FBXO38: variants seen among roughly 807,000 people sequenced by gnomAD.
FBXO38 encodes the protein F-box protein 38, also known as F-box only protein 38.
In FBXO38, 53 loss-of-function variants were observed where a neutral mutation model predicts 131.9. The observed-to-expected ratio is 0.40, with a 90% confidence interval of 0.32 to 0.51. The LOEUF is 0.51. FBXO38 is among the 20% of genes least tolerant of loss of function. The pLI is 0.53. For synonymous variants in FBXO38, 452 were observed against 505.6 expected (o/e 0.89, Z 1.42); for missense variants, 1,076 against 1,475.6 (o/e 0.73, Z 4.44).
At position 148,401,871 on chromosome 5, in the gene FBXO38, G is replaced by A. The variant is rs984753631; in HGVS notation, c.263-111G>A. 24 of 993,160 alleles carry A rather than the reference G, an allele frequency of 2.4e-5. No homozygotes were observed. The South Asian group carries it at 3.2e-4, about 13-fold the overall frequency. The allele number at this position is 993,160 out of a possible 1,614,324, so 61.5% of individuals were successfully genotyped here. On this transcript the variant is annotated intron_variant, in intron 3 of 21. Transcript: ENST00000340253. Reference sequence around the variant, plus strand: ...TATTCAGCTTTAGTGTTAGCTTTACGGAAATTTGAAGAGGAAGTCTTTTTT... The same window carrying A: ...TATTCAGCTTTAGTGTTAGCTTTACAGAAATTTGAAGAGGAAGTCTTTTTT...
intron 2 of FBXO38, among the ~76,000 whole-genome samples, chr5:148,395,801 A>G (rs1434212957): frequency 5.9e-5 from 9 of 151,840 alleles, no homozygotes; most frequent in South Asian, 2.1e-4. Context: ...TTACTATTCT[A>G]TGGAATGTAT....
intron 1 of FBXO38, among the ~76,000 whole-genome samples, chr5:148,389,345 G>T (rs567613419): frequency 2.0e-5 from 3 of 152,316 alleles, no homozygotes; most frequent in African/African-American, 4.8e-5. Context: ...CTTGCCTGAC[G>T]CAGTGTTGCC....
chr5:148,416,620 A>G lies in FBXO38; in HGVS notation c.1408-374A>G, dbSNP rs530014534. ...TAAAAACTTAATCCTTCAACCATTT[A>G]TGTTCTCTCTTGTCAGTTATTAATG... On this transcript the variant is annotated intron_variant, in intron 11 of 21. Transcript: ENST00000340253. The G allele has an allele frequency of 3.0e-5, 6 of 199,278 alleles. No individual in the cohort carries two copies. The South Asian group carries it at 6.4e-4, about 21-fold the overall frequency. 12.3% of individuals were successfully genotyped at this position (199,278 alleles called of 1,614,324 possible). A position where few individuals can be genotyped will look rare whatever the true frequency, so the allele number is the denominator to read the frequency against.
intron 10 of FBXO38, among the ~76,000 whole-genome samples, 188 bp from the exon 11 acceptor site, chr5:148,415,740 A>T (rs998852984): frequency 6.6e-6 from 1 of 152,192 alleles, no homozygotes; most frequent in Non-Finnish European, 1.5e-5. Flanking sequence ...CAGGCCATTT[A>T]GTTCTCACAA....
chr5:148,395,710 C>T (rs1172437228), intron 2 of FBXO38, among the ~76,000 whole-genome samples: 1 of 151,988 alleles, frequency 6.6e-6, no homozygotes, highest in Non-Finnish European at 1.5e-5. Context: ...CAAACTGAAG[C>T]ATAAATGCTT....
intron 8 of FBXO38, among the ~76,000 whole-genome samples, chr5:148,409,711 A>G (rs887778386): frequency 2.6e-5 from 4 of 152,208 alleles, no homozygotes; most frequent in Non-Finnish European, 5.9e-5. Context: ...CACATTTACT[A>G]TTTCTTACAT....
intron 21 of FBXO38, 83 bp downstream of exon 21, chr5:148,441,320 A>G: frequency 1.0e-6 from 1 of 980,948 alleles, no homozygotes. Flanking sequence ...TTTGTGAGTT[A>G]GGAGCAGTGC....
chr5:148,385,575 G>A (rs1469101394), intron 1 of FBXO38, among the ~76,000 whole-genome samples: 2 of 152,162 alleles, frequency 1.3e-5, no homozygotes, highest in East Asian at 3.9e-4. Context: ...GGGTTGAGCT[G>A]GATGATTCCT....
intron 1 of FBXO38, among the ~76,000 whole-genome samples, chr5:148,388,184 C>G (rs1225678612): frequency 6.6e-6 from 1 of 152,146 alleles, no homozygotes; most frequent in African/African-American, 2.4e-5. Context: ...CTTTTCTGAG[C>G]AGTAGATCTT....
At chr5:148,384,498 G>A (rs1046011114) in intron 1 of FBXO38, among the ~76,000 whole-genome samples, 2 of 152,140 alleles carry the variant, frequency 1.3e-5, no homozygotes, top group African/African-American at 2.4e-5. Flanking sequence ...TGGCTGCCAC[G>A]CCTGAGTATC....
intron 1 of FBXO38, among the ~76,000 whole-genome samples, chr5:148,392,619 G>GTA (rs1491020330): frequency 7.0e-6 from 1 of 143,358 alleles, no homozygotes; most frequent in East Asian, 2.0e-4. Context: ...GTGTGTGTGT[G>GTA]TATTTGTAAT....
At chr5:148,424,601 G>A (rs944117574) in intron 13 of FBXO38, among the ~76,000 whole-genome samples, 4 of 152,154 alleles carry the variant, frequency 2.6e-5, no homozygotes, top group East Asian at 1.9e-4. Context: ...CTTTCATTTT[G>A]TAGATGGGGA....
rs762626136 is a variant in FBXO38, at chr5:148,406,434, CAACTT to C, written c.868+43_868+47del. 2.7e-6 allele frequency: 4 copies of C among 1,460,754 alleles called. No homozygotes were observed. The South Asian group carries it at 5.5e-5, about 20-fold the overall frequency. The allele number at this position is 1,460,754 out of a possible 1,614,324, so 90.5% of individuals were successfully genotyped here. On this transcript the variant is annotated intron_variant, in intron 7 of 21. Transcript: ENST00000340253. ...TAATTACTAAATATTTTTTAAAAAT[CAACTT>C]AAAATAATCATTAAGCTTTTATTTA...
Position 148,427,681 on chromosome 5 carries a change from G to C in FBXO38, c.2387G>C (p.Arg796Pro). ...ACTAGCAGGTGTTCTGATGAGGAAC[G>C]TCCTTCAACCAGCCGAGCCTGTGTT... ...RRTSRCSDEE[R>P]PSTSRACVVN... Residue 796 changes from arginine to proline, a missense_variant, in exon 15 of 22, where the codon CGT (arginine) becomes CCT (proline). By Grantham distance (103) the Arg-to-Pro change is moderately radical. Transcript: ENST00000340253. The C allele has an allele frequency of 6.2e-7, 1 of 1,614,196 alleles. No individual in the cohort carries two copies.
chr5:148,402,883 GTA>G (rs981624174), intron 5 of FBXO38, among the ~76,000 whole-genome samples: 3 of 151,868 alleles, frequency 2.0e-5, no homozygotes, highest in African/African-American at 7.3e-5. Flanking sequence ...ACTTTATTCT[GTA>G]TATATACACA....
chr5:148,416,783 C>T (rs570938030), intron 11 of FBXO38: 2 of 541,406 alleles, frequency 3.7e-6, no homozygotes, highest in Admixed American at 6.3e-5. Context: ...TTGCATGACT[C>T]CTCATCTGTA....
intron 8 of FBXO38, among the ~76,000 whole-genome samples, chr5:148,410,062 C>T (rs1752659237): frequency 6.6e-6 from 1 of 152,174 alleles, no homozygotes; most frequent in African/African-American, 2.4e-5. Flanking sequence ...GATTTCCTTA[C>T]ACTTTGCAGA....
intron 8 of FBXO38, 177 bp from the exon 9 acceptor site, chr5:148,410,458 C>T (rs981067866): frequency 1.7e-5 from 12 of 686,974 alleles, no homozygotes; most frequent in South Asian, 1.2e-4. Flanking sequence ...CAGCCATGTT[C>T]GTGAGGCCTC....
intron 1 of FBXO38, among the ~76,000 whole-genome samples, chr5:148,388,218 T>C (rs968884446): frequency 1.3e-5 from 2 of 152,236 alleles, no homozygotes; most frequent in African/African-American, 2.4e-5. Flanking sequence ...TTTAGTATAC[T>C]ATACTGTAAA....
Sources: allele counts gnomAD v4.1 joint callset (sites outside exome capture counted in the v4.1 genomes callset), GRCh38; gene constraint gnomAD v4.1.1; transcripts MANE v1.5; gene names NCBI Gene and HGNC (gene_info 2026-07-23, HGNC 2026-07-21).